Variants in EPHA1 observed in about 807,000 individuals in gnomAD.
EPHA1 encodes ephrin type-A receptor 1.
In EPHA1, 92 loss-of-function variants were observed where a neutral mutation model predicts 110.1. The observed-to-expected ratio is 0.84, with a 90% CI of 0.71 to 0.99. The LOEUF (loss-of-function observed/expected upper bound fraction) is 0.99, where lower values mean the gene tolerates loss of function less well. EPHA1 is among the 50% of genes least tolerant of loss of function. EPHA1 has a pLI of 0.00. For synonymous variants in EPHA1, 500 were observed against 516.1 expected (o/e 0.97, Z 0.42); for missense variants, 1,204 against 1,285.4 (o/e 0.94, Z 0.97).
rs1563116532 is a variant in EPHA1 at position 143,397,334 on chromosome 7, G to A, written c.1741C>T (p.Gln581Ter). 1.3e-6 allele frequency: 2 copies of A among 1,549,716 alleles called. No individual in the cohort carries two copies. Among genetic ancestry groups the A allele is most frequent in the South Asian group, 2.4e-5 (2 of 84,022 alleles). ...TCCACATCGGTGGCGCGGTCACGCT[G>A]CCTCTGCTGCCTCTGCCGCTGGGCT... ...RRAQRQRQQR[Q>*]RDRATDVDRE... Residue 581 changes from glutamine (Q) to a stop codon, truncating the protein, a stop_gained, in exon 10 of 18, where the codon CAG (glutamine) becomes TAG (stop). Coordinates refer to ENST00000275815, the MANE Select transcript of EPHA1 (RefSeq NM_005232.5). LOFTEE classifies it high-confidence loss of function.
intron 2 of EPHA1, among the ~76,000 whole-genome samples, chr7:143,404,724 G>A (rs1269504728): frequency 6.6e-6 from 1 of 152,092 alleles, no homozygotes; most frequent in Non-Finnish European, 1.5e-5. Context: ...AGTTATAGCT[G>A]ATGGTTCTGA....
intron 3 of EPHA1, among the ~76,000 whole-genome samples, chr7:143,400,662 G>T (rs960256612): frequency 6.6e-6 from 1 of 152,098 alleles, no homozygotes; most frequent in Non-Finnish European, 1.5e-5. Flanking sequence ...AACATCGTGG[G>T]TATCAATAGG....
At position 143,391,180 on chromosome 7, in the gene EPHA1, C is replaced by T; in HGVS notation, c.*277G>A. 4.8e-6 allele frequency: 2 copies of T among 416,526 alleles called. No individual in the cohort carries two copies. Among genetic ancestry groups the T allele is most frequent in the South Asian group, 3.6e-5 (1 of 27,876 alleles). 25.8% of individuals were successfully genotyped at this position (416,526 alleles called of 1,614,324 possible). ...GTGGGATGGAGGCAGAAAATCAGTT[C>T]CTGTTTATTTACAAAAATATATATA... On this transcript the variant is annotated 3_prime_UTR_variant, in exon 18 of 18. Coordinates refer to ENST00000275815, the MANE Select transcript of EPHA1 (RefSeq NM_005232.5).
chr7:143,407,484 T>A, intron 2 of EPHA1, 127 bp downstream of exon 2: 5 of 758,160 alleles, frequency 6.6e-6, no homozygotes, highest in Middle Eastern at 5.1e-4. Flanking sequence ...CAGCCTCCTC[T>A]CCCCCTCCCT....
At chr7:143,400,760 G>T (rs939723408) in intron 3 of EPHA1, 1 of 155,312 alleles carries the variant, frequency 6.4e-6, no homozygotes, top group Admixed American at 6.4e-5. Flanking sequence ...CTATAAAATA[G>T]ATATAGCTGG....
At chr7:143,405,740 G>A (rs1563121296) in intron 2 of EPHA1, among the ~76,000 whole-genome samples, 1 of 152,146 alleles carries the variant, frequency 6.6e-6, no homozygotes, top group Non-Finnish European at 1.5e-5. Flanking sequence ...TCTTCCAAAC[G>A]GCCCCTCCTG....
Position 143,395,281 on chromosome 7 carries a change from A to G in EPHA1, c.2083+38T>C. On this transcript the variant is annotated intron_variant, in intron 12 of 17. Coordinates refer to ENST00000275815, the MANE Select transcript of EPHA1 (RefSeq NM_005232.5). This position sits in a 1 kb window ranked among gnomAD's most constrained non-coding sequence, Gnocchi z 4.7. ...CAGTGGTTTCACCCCTCTTTCCTGCATTTCCCGCCCCCAGCTGAGGGAGAC... is the reference window on the plus strand; with the variant it reads ...CAGTGGTTTCACCCCTCTTTCCTGCGTTTCCCGCCCCCAGCTGAGGGAGAC... 6.2e-7 allele frequency: 1 copy of G among 1,613,620 alleles called. No individual in the cohort carries two copies. Among genetic ancestry groups the G allele is most frequent in the Non-Finnish European group, 8.5e-7 (1 of 1,179,856 alleles).
chr7:143,407,602 G>C lies in EPHA1; in HGVS notation c.150+9C>G, dbSNP rs758810880. 3.9e-5 allele frequency: 63 copies of C among 1,611,960 alleles called. No homozygotes were observed. The highest frequency in any genetic ancestry group is 5.0e-5 in the Non-Finnish European group (59 of 1,179,076). ...GTTTTCCAAGATCCTTCCCTCTTCC[G>C]ACACTTACCCCATCTTTTGGGGGAT... On this transcript the variant is annotated intron_variant, in intron 2 of 17. Transcript: ENST00000275815.
intron 3 of EPHA1, 28 bp from the exon 4 acceptor site, chr7:143,400,081 A>C: frequency 6.4e-7 from 1 of 1,563,012 alleles, no homozygotes; most frequent in Non-Finnish European, 8.7e-7. Context: ...AAGAAAGGGG[A>C]GCAATGGCAA....
rs757958166 is a variant in EPHA1, at chr7:143,393,856, C to T, written c.2511G>A (p.Lys837=). 6.4e-7 allele frequency: 1 copy of T among 1,556,888 alleles called. No homozygotes were observed. The highest frequency in any genetic ancestry group is 8.7e-7 in the Non-Finnish European group (1 of 1,148,420). Residue 837 remains lysine, a synonymous_variant, in exon 16 of 18, where the codon AAG becomes AAA. Coordinates refer to ENST00000275815, the MANE Select transcript of EPHA1 (RefSeq NM_005232.5). This position sits in a 1 kb window ranked among gnomAD's most constrained non-coding sequence, Gnocchi z 5.6. ...YGEMSNQEVM[K]SIEDGYRLPP... Reference sequence around the variant, plus strand: ...GCAACCGGTACCCATCCTCAATGCTCTTCATAACCTGCACGGCGGGACAGG... The same window carrying T: ...GCAACCGGTACCCATCCTCAATGCTTTTCATAACCTGCACGGCGGGACAGG...
chr7:143,400,028 C>T lies in EPHA1; in HGVS notation c.458G>A (p.Ser153Asn), dbSNP rs1384001533. The change falls in exon 4 of 18, where the codon AGC becomes AAC. Residue 153 changes from serine to asparagine, a missense_variant. Coordinates refer to ENST00000275815, the MANE Select transcript of EPHA1 (RefSeq NM_005232.5). The part of the protein sequence containing the change: ...QKVTTVAADQ[S>N]FTIRDLVSGS... ...AGACACAAGGTCTCGAATGGTGAAG[C>T]TCTGGTCTGCAGCCACCGTGGTTAC... 6.2e-7 allele frequency: 1 copy of T among 1,608,682 alleles called. No individual in the cohort carries two copies. Among genetic ancestry groups the T allele is most frequent in the South Asian group, 1.1e-5 (1 of 90,832 alleles).
intron 5 of EPHA1, 77 bp from the exon 6 acceptor site, chr7:143,399,022 A>G: frequency 7.3e-7 from 1 of 1,379,060 alleles, no homozygotes; most frequent in East Asian, 2.5e-5. Context: ...CTCCACCACC[A>G]CCCAATTCTC....
intron 2 of EPHA1, among the ~76,000 whole-genome samples, chr7:143,404,615 G>A (rs962524032): frequency 2.0e-5 from 3 of 152,088 alleles, no homozygotes; most frequent in African/African-American, 4.8e-5. Flanking sequence ...TTGCAATTCC[G>A]ATGCTATCAC....
At chr7:143,397,539 G>C (rs750578123) in intron 9 of EPHA1, 22 bp downstream of exon 9, 21 of 1,613,052 alleles carry the variant, frequency 1.3e-5, no homozygotes, top group Middle Eastern at 1.7e-4. Flanking sequence ...CTGGTGGTTG[G>C]GGAGGGGGCA....
rs373557157 is a variant in EPHA1 at position 143,398,722 on chromosome 7, A to G, written c.1215T>C (p.His405=). The change falls in exon 6 of 18, where the codon CAT becomes CAC. Residue 405 remains histidine, a synonymous_variant. Transcript: ENST00000275815. ...TGGCATAAGGTTCAAGGCCATTGAC[A>G]TGCACTGCAGGTGTGGTGAGCCCCC... is the stretch of plus-strand genomic sequence containing the variant. ...GARGLTTPAV[H]VNGLEPYANY... The G allele has an allele frequency of 1.2e-6, 2 of 1,613,988 alleles. No individual in the cohort carries two copies. Among genetic ancestry groups the G allele is most frequent in the African/African-American group, 2.7e-5 (2 of 74,920 alleles).
chr7:143,407,708 C>T (rs763163048), intron 1 of EPHA1, 30 bp from the exon 2 acceptor site: 1 of 1,607,126 alleles, frequency 6.2e-7, no homozygotes, highest in Non-Finnish European at 8.5e-7. Flanking sequence ...AAGTCTGTCA[C>T]CTCTGGGGGA....
In EPHA1 at chr7:143,391,217, G is replaced by A; in HGVS notation, c.*240C>T. On this transcript the variant is annotated 3_prime_UTR_variant, in exon 18 of 18. Coordinates refer to ENST00000275815, the MANE Select transcript of EPHA1 (RefSeq NM_005232.5). ...CAAAAATATATATATGTGTATGTAT[G>A]TATATATATTAACCCCTCAGCTCCC... The A allele has an allele frequency of 1.8e-6, 1 of 560,428 alleles. No homozygotes were observed. The highest frequency in any genetic ancestry group is 2.1e-5 in the South Asian group (1 of 48,312). 34.7% of individuals were successfully genotyped at this position (560,428 alleles called of 1,614,324 possible). A position where few individuals can be genotyped will look rare whatever the true frequency, so the allele number is the denominator to read the frequency against.
intron 10 of EPHA1, 31 bp downstream of exon 10, chr7:143,397,272 TG>T: frequency 1.3e-6 from 2 of 1,543,062 alleles, no homozygotes; most frequent in Non-Finnish European, 1.7e-6. Context: ...TGCACACGCA[TG>T]TGGGGACACA....
chr7:143,393,996 G>T lies in EPHA1; in HGVS notation c.2503-132C>A. The T allele has an allele frequency of 8.0e-7, 1 of 1,252,008 alleles. No individual in the cohort carries two copies. The highest frequency in any genetic ancestry group is 1.1e-6 in the Non-Finnish European group (1 of 911,838). 77.6% of individuals were successfully genotyped at this position (1,252,008 alleles called of 1,614,324 possible). A position where few individuals can be genotyped will look rare whatever the true frequency, so the allele number is the denominator to read the frequency against. On this transcript the variant is annotated intron_variant, in intron 15 of 17. Coordinates refer to ENST00000275815, the MANE Select transcript of EPHA1 (RefSeq NM_005232.5). The surrounding 1 kb of genome is among the most constrained non-coding windows in gnomAD (Gnocchi z 5.6). Reference sequence around the variant, plus strand: ...GGAGGTGGGAGGACCAGGGTGGGACGATCACAGTGGGAGGATCAGGGTGGG... The same window carrying T: ...GGAGGTGGGAGGACCAGGGTGGGACTATCACAGTGGGAGGATCAGGGTGGG...
Sources: gnomAD v4.1 joint callset for allele counts (sites outside exome capture counted in the v4.1 genomes callset) on GRCh38, gnomAD v4.1.1 for gene constraint, Gnocchi (gnomAD v3.1) non-coding constraint, MANE v1.5 for transcripts, NCBI Gene and HGNC (gene_info 2026-07-23, HGNC 2026-07-21) for gene names.